THAP12: variants seen among roughly 807,000 people sequenced by gnomAD.
The protein encoded by THAP12 is THAP domain containing 12.
Under a neutral mutation model 63.0 loss-of-function variants are expected in THAP12, and 20 were observed. The observed-to-expected ratio is 0.32, with a 90% CI of 0.22 to 0.46. THAP12 has a LOEUF of 0.46. THAP12 is among the 20% of genes least tolerant of loss of function. The pLI is 1.00. For missense variants in THAP12, 568 were observed against 908.2 expected, an observed-to-expected ratio of 0.63 and a Z score of 4.81; for synonymous variants, 264 against 328.4, an observed-to-expected ratio of 0.80 and a Z score of 2.12.
intron 3 of THAP12, 66 bp from the exon 4 acceptor site, chr11:76,355,720 T>C (rs1946557040): frequency 6.0e-6 from 8 of 1,324,842 alleles, no homozygotes; most frequent in South Asian, 1.4e-5. Context: ...TAGTGTATCA[T>C]CTTAGACTCA....
intron 4 of THAP12, 49 bp downstream of exon 4, chr11:76,355,569 G>A (rs1397432115): frequency 2.0e-6 from 3 of 1,506,144 alleles, no homozygotes; most frequent in Non-Finnish European, 2.7e-6. Flanking sequence ...CCAGGTCAAG[G>A]CCTTTTTAAA....
chr11:76,363,380 T>G (rs1286188563), intron 2 of THAP12, among the ~76,000 whole-genome samples: 3 of 152,088 alleles, frequency 2.0e-5, no homozygotes, highest in Admixed American at 2.0e-4. Flanking sequence ...TTTTTTTTTT[T>G]GTCTGTTTAA....
At chr11:76,363,446 C>T (rs1372342368) in intron 2 of THAP12, among the ~76,000 whole-genome samples, 1 of 152,054 alleles carries the variant, frequency 6.6e-6, no homozygotes, top group Non-Finnish European at 1.5e-5. Context: ...TAGGCTCAAG[C>T]AATCCTTCAG....
intron 3 of THAP12, chr11:76,355,930 A>G (rs775398153): frequency 1.8e-4 from 48 of 263,478 alleles, no homozygotes; most frequent in African/African-American, 9.4e-4. Context: ...ACTTTGGGTT[A>G]TAAGTGTTTA....
intron 1 of THAP12, among the ~76,000 whole-genome samples, chr11:76,377,036 C>T (rs1283677494): frequency 6.6e-6 from 1 of 152,158 alleles, no homozygotes. Context: ...GAGTTCTTTC[C>T]CATGTCTCGG....
chr11:76,369,651 C>T (rs919253095), intron 1 of THAP12, among the ~76,000 whole-genome samples: 1 of 152,276 alleles, frequency 6.6e-6, no homozygotes, highest in African/African-American at 2.4e-5. Context: ...TGAACACCTG[C>T]CATCCCTTCT....
At chr11:76,379,788 G>A (rs781054776) in intron 1 of THAP12, among the ~76,000 whole-genome samples, 2 of 151,646 alleles carry the variant, frequency 1.3e-5, no homozygotes, top group Non-Finnish European at 2.9e-5. Context: ...CTTCATGAAA[G>A]CAAGGACTTC....
At chr11:76,373,926 T>C (rs1278409933) in intron 1 of THAP12, among the ~76,000 whole-genome samples, 3 of 152,164 alleles carry the variant, frequency 2.0e-5, no homozygotes, top group Non-Finnish European at 2.9e-5. Flanking sequence ...ACAAATAACG[T>C]TTTAATAAAA....
At position 76,370,721 on chromosome 11, in the gene THAP12, C is replaced by T. The variant is rs1193865806; in HGVS notation, c.90-4749G>A. ...ATAAAAATTATATATGACCGGGAGG[C>T]TGAGGTAGGAGAATCACTTGAATCC... On this transcript the variant is annotated intron_variant, in intron 1 of 4. Transcript: ENST00000260045. Among the ~76,000 whole-genome samples, 3 of 150,504 alleles carry T rather than the reference C, an allele frequency of 2.0e-5. No homozygotes were observed. In the East Asian group the frequency reaches 5.9e-4, roughly 30 times the overall value.
intron 1 of THAP12, among the ~76,000 whole-genome samples, chr11:76,378,461 A>G (rs1946726334): frequency 6.6e-6 from 1 of 152,210 alleles, no homozygotes; most frequent in Non-Finnish European, 1.5e-5. Context: ...TGCCAAATCT[A>G]AAGTCATGAA....
intron 2 of THAP12, 170 bp from the exon 3 acceptor site, chr11:76,361,233 C>T: frequency 2.0e-6 from 1 of 500,284 alleles, no homozygotes; most frequent in Non-Finnish European, 3.5e-6. Flanking sequence ...CCAACTGTGC[C>T]TGCATTTGCC....
At chr11:76,378,302 A>T (rs917136184) in intron 1 of THAP12, among the ~76,000 whole-genome samples, 1 of 152,190 alleles carries the variant, frequency 6.6e-6, no homozygotes, top group African/African-American at 2.4e-5. Context: ...GGATGCCTGC[A>T]ATCCCAGCTA....
chr11:76,374,116 G>A (rs867911363), intron 1 of THAP12, among the ~76,000 whole-genome samples: 1 of 152,072 alleles, frequency 6.6e-6, no homozygotes, highest in Non-Finnish European at 1.5e-5. Flanking sequence ...GCCTCATAAC[G>A]ATATGCAGTT....
chr11:76,374,799 C>T (rs1946697780), intron 1 of THAP12, among the ~76,000 whole-genome samples: 1 of 152,182 alleles, frequency 6.6e-6, no homozygotes, highest in Non-Finnish European at 1.5e-5. Flanking sequence ...TGAATGTCTG[C>T]ATCCCCTCAA....
At chr11:76,367,279 T>C (rs1282774226) in intron 1 of THAP12, among the ~76,000 whole-genome samples, 1 of 152,228 alleles carries the variant, frequency 6.6e-6, no homozygotes, top group Admixed American at 6.5e-5. Context: ...TTTCTCCATG[T>C]TGGTCAGGCT....
rs752162571 is a variant in THAP12, at chr11:76,351,166, T to C, written c.1984A>G (p.Ile662Val). The change falls in exon 5 of 5, where the codon ATC (isoleucine) becomes GTC (valine). Residue 662 changes from isoleucine to valine, a missense_variant. By Grantham distance (29) the Ile-to-Val change is conservative (BLOSUM62 3). Coordinates refer to ENST00000260045, the MANE Select transcript of THAP12 (RefSeq NM_004705.4). ...RGKDIELPST[I>V]YEALHLPDIK... ...TCAGGCAGGTGGAGGGCTTCATAGA[T>C]GGTGGACGGAAGCTCTATATCTTTC... 6 of 1,595,116 alleles carry C rather than the reference T, an allele frequency of 3.8e-6. No homozygotes were observed. In the African/African-American group the frequency reaches 4.0e-5, roughly 11 times the overall value.
chr11:76,364,660 A>G (rs1946619277), intron 2 of THAP12, among the ~76,000 whole-genome samples: 1 of 152,218 alleles, frequency 6.6e-6, no homozygotes, highest in African/African-American at 2.4e-5. Flanking sequence ...TCTCCTTATT[A>G]GGAACTGGGG....
intron 3 of THAP12, among the ~76,000 whole-genome samples, chr11:76,359,815 ACT>A (rs1946586183): frequency 2.0e-5 from 3 of 146,564 alleles, no homozygotes; most frequent in Admixed American, 6.9e-5. Flanking sequence ...TGAGAGTGAG[ACT>A]CTGTCTCGGG....
intron 1 of THAP12, among the ~76,000 whole-genome samples, chr11:76,379,570 T>C (rs1305096885): frequency 6.6e-6 from 1 of 152,218 alleles, no homozygotes. Flanking sequence ...GGTATCTCCA[T>C]GGCTGGCCCC....
Sources: gnomAD v4.1 joint callset for allele counts (sites outside exome capture counted in the v4.1 genomes callset) on GRCh38, gnomAD v4.1.1 for gene constraint, MANE v1.5 for transcripts, NCBI Gene and HGNC (gene_info 2026-07-23, HGNC 2026-07-21) for gene names.